EFCAB8: variants seen among roughly 807,000 people sequenced by gnomAD.
EFCAB8 encodes EF-hand calcium binding domain 8.
EFCAB8 carries 100 observed loss-of-function variants against 116.3 expected under a neutral mutation model. The ratio of observed to expected loss-of-function variants is 0.86; its 90% CI spans 0.73 to 1.02. The LOEUF (loss-of-function observed/expected upper bound fraction) is 1.02. Among genes scored for constraint, EFCAB8 ranks in the 50% least tolerant of loss-of-function variants. EFCAB8 has a pLI of 0.00. For synonymous variants in EFCAB8, 558 were observed against 567.9 expected, an observed-to-expected ratio of 0.98 and a Z score of 0.25; for missense variants, 1,320 against 1,416.9, an observed-to-expected ratio of 0.93 and a Z score of 1.10.
intron 17 of EFCAB8, among the ~76,000 whole-genome samples, chr20:32,913,905 A>G (rs149212468): frequency 2.0e-4 from 31 of 152,292 alleles, no homozygotes; most frequent in East Asian, 1.9e-3. Flanking sequence ...TGGGGTGGCA[A>G]TTCTGCCCCT....
intron 22 of EFCAB8, among the ~76,000 whole-genome samples, chr20:32,933,576 C>T (rs2146278141): frequency 6.6e-6 from 1 of 152,300 alleles, no homozygotes; most frequent in East Asian, 1.9e-4. Flanking sequence ...CCTGTCTGAC[C>T]AAAACTTGGT....
At chr20:32,931,121 G>A in intron 21 of EFCAB8, 57 bp from the exon 22 acceptor site, 2 of 1,413,244 alleles carry the variant, frequency 1.4e-6, no homozygotes, top group South Asian at 1.4e-5. Context: ...AGCCCGCAGA[G>A]TGAGTTGGGG....
chr20:32,951,687 T>C (rs1346314833), intron 23 of EFCAB8, among the ~76,000 whole-genome samples: 2 of 152,202 alleles, frequency 1.3e-5, no homozygotes, highest in African/African-American at 4.8e-5. Context: ...AAAATAGTCA[T>C]CCTACTAGGT....
At chr20:32,895,105 C>T (rs1600394680) in intron 9 of EFCAB8, among the ~76,000 whole-genome samples, 1 of 152,200 alleles carries the variant, frequency 6.6e-6, no homozygotes, top group African/African-American at 2.4e-5. Context: ...TTTGTGACCG[C>T]CTCCTTAAAC....
At chr20:32,952,803 G>A (rs1303339090) in intron 23 of EFCAB8, among the ~76,000 whole-genome samples, 1 of 152,162 alleles carries the variant, frequency 6.6e-6, no homozygotes, top group Non-Finnish European at 1.5e-5. Flanking sequence ...TAAAGAACAT[G>A]TTGGGTACTT....
At chr20:32,950,685 A>G (rs1217381930) in intron 23 of EFCAB8, among the ~76,000 whole-genome samples, 4 of 152,252 alleles carry the variant, frequency 2.6e-5, no homozygotes, top group East Asian at 3.9e-4. Context: ...TAGCTTCCCT[A>G]TCTTAGTGCA....
At chr20:32,866,498 A>G (rs1483235714) in intron 2 of EFCAB8, among the ~76,000 whole-genome samples, 1 of 150,966 alleles carries the variant, frequency 6.6e-6, no homozygotes, top group Non-Finnish European at 1.5e-5. Flanking sequence ...GAGAGGAAGC[A>G]TCATGAGGCC....
At chr20:32,894,461 C>T (rs1053061388) in intron 9 of EFCAB8, among the ~76,000 whole-genome samples, 2 of 152,326 alleles carry the variant, frequency 1.3e-5, no homozygotes, top group Admixed American at 6.5e-5. Flanking sequence ...GGAACTGGCA[C>T]GGGAGGTTGT....
chr20:32,865,176 C>T (rs1440624579), intron 2 of EFCAB8, among the ~76,000 whole-genome samples: 1 of 152,120 alleles, frequency 6.6e-6, no homozygotes, highest in African/African-American at 2.4e-5. Context: ...GAACAAAGAC[C>T]TGGGAATATG....
intron 14 of EFCAB8, 140 bp downstream of exon 14, chr20:32,908,552 G>A: frequency 1.1e-6 from 1 of 895,758 alleles, no homozygotes. Context: ...GGCCTGGCCT[G>A]TGAGGGGCCG....
Position 32,917,331 on chromosome 20 carries a change from C to T in EFCAB8, c.1887C>T (p.Cys629=). The part of the protein sequence containing the change: ...LFHKTKPVLL[C]YHWQTYHTED... Reference sequence around the variant, plus strand: ...ACAAGACCAAGCCAGTGCTCTTGTGCTACCACTGGCAGACCTACCACACGG... The same window carrying T: ...ACAAGACCAAGCCAGTGCTCTTGTGTTACCACTGGCAGACCTACCACACGG... The change falls in exon 18 of 27, where the codon TGC becomes TGT. Residue 629 remains cysteine (C), a synonymous_variant. Transcript: ENST00000400522. The T allele has an allele frequency of 5.8e-6, 9 of 1,551,704 alleles. No homozygotes were observed. Among genetic ancestry groups the T allele is most frequent in the Non-Finnish European group, 7.8e-6 (9 of 1,146,982 alleles).
chr20:32,928,211 T>A (rs1424312741), intron 20 of EFCAB8, among the ~76,000 whole-genome samples: 1 of 151,804 alleles, frequency 6.6e-6, no homozygotes, highest in Non-Finnish European at 1.5e-5. Context: ...TTGTTCAACG[T>A]TAGTGTATAG....
At position 32,918,474 on chromosome 20, in the gene EFCAB8, A is replaced by G. The variant is rs1987295810; in HGVS notation, c.2174A>G (p.Glu725Gly). The G allele has an allele frequency of 1.3e-6, 2 of 1,551,712 alleles. No individual in the cohort carries two copies. Among genetic ancestry groups the G allele is most frequent in the South Asian group, 1.2e-5 (1 of 84,062 alleles). ...AGGAAGCTCTCCAGTCTCAGCCCCG[A>G]GTCTGTGGCCAATACCAACCTGAGG... ...TSRKLSSLSP[E>G]SVANTNLRRS... The change falls in exon 19 of 27, where the codon GAG becomes GGG. Residue 725 changes from glutamate (E) to glycine (G), a missense_variant. Physicochemically the swap from Glu to Gly is moderately conservative, Grantham distance 98 (BLOSUM62 -2). Coordinates refer to ENST00000400522, the MANE Select transcript of EFCAB8 (RefSeq NM_001143967.2).
intron 9 of EFCAB8, 144 bp from the exon 10 acceptor site, chr20:32,896,310 G>C (rs1986154888): frequency 1.6e-6 from 1 of 627,762 alleles, no homozygotes; most frequent in Non-Finnish European, 2.9e-6. Flanking sequence ...CCAGGACACA[G>C]TGAGGTGCCA....
chr20:32,912,811 T>C lies in EFCAB8; in HGVS notation c.1803T>C (p.His601=), dbSNP rs550350296. 37 of 719,038 alleles carry C rather than the reference T, an allele frequency of 5.1e-5. No individual in the cohort carries two copies. In the South Asian group the frequency reaches 5.3e-4, roughly 10 times the overall value. The allele number at this position is 719,038 out of a possible 1,614,324, so 44.5% of individuals were successfully genotyped here. Residue 601 remains histidine, a synonymous_variant, in exon 17 of 27, where the codon CAT becomes CAC. Transcript: ENST00000400522. Reference sequence around the variant, plus strand: ...TTCAACAGATTAGTGGGATTATCCATATGAACAAAGTGTTCTATGTGACAG... The same window carrying C: ...TTCAACAGATTAGTGGGATTATCCACATGAACAAAGTGTTCTATGTGACAG... ...PEQLEISGII[H]MNKVFYVTGW...
intron 4 of EFCAB8, among the ~76,000 whole-genome samples, chr20:32,876,627 T>C (rs1459877939): frequency 6.6e-6 from 1 of 152,176 alleles, no homozygotes; most frequent in Non-Finnish European, 1.5e-5. Context: ...CTATGTATTA[T>C]TTTACTTAAA....
intron 11 of EFCAB8, among the ~76,000 whole-genome samples, chr20:32,905,137 C>T (rs73249223): frequency 0.013 from 1,919 of 152,326 alleles, 38 homozygotes; most frequent in African/African-American, 0.044. Flanking sequence ...TCGCTGCTTA[C>T]TGAGCTTCCT....
intron 5 of EFCAB8, 42 bp downstream of exon 5, chr20:32,878,849 G>T: frequency 6.6e-7 from 1 of 1,513,972 alleles, no homozygotes; most frequent in Non-Finnish European, 9.0e-7. Flanking sequence ...GGGGTGACTG[G>T]ACAAGTGCTG....
intron 3 of EFCAB8, among the ~76,000 whole-genome samples, chr20:32,873,523 A>G (rs1461011145): frequency 6.6e-6 from 1 of 151,796 alleles, no homozygotes; most frequent in Non-Finnish European, 1.5e-5. Flanking sequence ...TCTTCTCCCC[A>G]TCTTTTCCTT....
Sources: gnomAD v4.1 joint callset for allele counts (sites outside exome capture counted in the v4.1 genomes callset) on GRCh38, gnomAD v4.1.1 for gene constraint, MANE v1.5 for transcripts, NCBI Gene and HGNC (gene_info 2026-07-23, HGNC 2026-07-21) for gene names.